The following HIVEP3 variants were observed in gnomAD, a reference collection of about 807,000 sequenced individuals.
HIVEP3 encodes the protein HIVEP zinc finger 3.
A neutral mutation model predicts 152.8 loss-of-function variants in HIVEP3; 49 were observed. That is an observed-to-expected ratio of 0.32 (90% CI 0.26 to 0.41). The LOEUF is 0.41. Among genes scored for constraint, HIVEP3 ranks in the 10% least tolerant of loss-of-function variants. The pLI is 1.00. For missense variants in HIVEP3, 2,790 were observed against 3,103.3 expected (o/e 0.90, Z 2.40); for synonymous variants, 1,269 against 1,289.0 (o/e 0.98, Z 0.33).
At chr1:41,750,746 T>C (rs1255270159) in intron 1 of HIVEP3, among the ~76,000 whole-genome samples, 1 of 151,128 alleles carries the variant, frequency 6.6e-6, no homozygotes, top group African/African-American at 2.4e-5. Flanking sequence ...TCGCCCAGGC[T>C]GGAGTGCAAT....
chr1:41,913,620 C>T lies in HIVEP3; in HGVS notation c.-801+4793G>A, dbSNP rs369073290. On this transcript the variant is annotated intron_variant, in intron 1 of 8. Transcript: ENST00000372583. ...CTATGTCGCCCAGGCTGATCTCAAACTCCTGGGCTCAAGTGATCCTCCTGT... is the reference window on the plus strand; with the variant it reads ...CTATGTCGCCCAGGCTGATCTCAAATTCCTGGGCTCAAGTGATCCTCCTGT... 2.3e-3 allele frequency among the ~76,000 whole-genome samples: 349 copies of T among 152,156 alleles called. 2 individuals are homozygous for T. The highest frequency in any genetic ancestry group is 8.0e-3 in the African/African-American group (331 of 41,518).
At chr1:41,595,340 G>A (rs1644649201) in intron 3 of HIVEP3, among the ~76,000 whole-genome samples, 1 of 152,172 alleles carries the variant, frequency 6.6e-6, no homozygotes, top group Non-Finnish European at 1.5e-5. Flanking sequence ...GAGAGATTCA[G>A]CCATTGGCGT....
intron 1 of HIVEP3, among the ~76,000 whole-genome samples, chr1:41,810,249 C>T (rs995798373): frequency 1.1e-4 from 16 of 152,178 alleles, no homozygotes; most frequent in Non-Finnish European, 1.8e-4. Context: ...TTCGATTCTG[C>T]CTTCAGGCAG....
At chr1:41,833,782 G>A (rs2124359813) in intron 1 of HIVEP3, among the ~76,000 whole-genome samples, 3 of 152,298 alleles carry the variant, frequency 2.0e-5, no homozygotes, top group Admixed American at 2.0e-4. Flanking sequence ...TCATTCTGTG[G>A]GTGGTACCCA....
At chr1:41,780,430 G>A (rs919188103) in intron 1 of HIVEP3, among the ~76,000 whole-genome samples, 1 of 152,220 alleles carries the variant, frequency 6.6e-6, no homozygotes, top group African/African-American at 2.4e-5. Context: ...CCAGGTGAGT[G>A]CTGAGCCAGA....
At position 41,647,016 on chromosome 1, in the gene HIVEP3, C is replaced by T. The variant is rs151200790; in HGVS notation, c.-720-18069G>A. Among the ~76,000 whole-genome samples the T allele has an allele frequency of 5.9e-5, 9 of 152,318 alleles. No homozygotes were observed. The East Asian group carries it at 1.5e-3, about 26-fold the overall frequency. On this transcript the variant is annotated intron_variant, in intron 2 of 8. Transcript: ENST00000372583. ...CAATGGCCAGGTCAAGTCTTTCTCACACTGCAACCTCCTGGCACTGACTCT... is the reference window on the plus strand; with the variant it reads ...CAATGGCCAGGTCAAGTCTTTCTCATACTGCAACCTCCTGGCACTGACTCT...
Position 41,664,216 on chromosome 1 carries a change from T to TC in HIVEP3, c.-720-35270dup, listed in dbSNP as rs1284950505. 4.6e-5 allele frequency among the ~76,000 whole-genome samples: 7 copies of TC among 152,184 alleles called. No individual in the cohort carries two copies. Among genetic ancestry groups the TC allele is most frequent in the Non-Finnish European group, 8.8e-5 (6 of 68,024 alleles). ...CCTGGGACAGATTCCTGCTCCTCAC[T>TC]CCACTCCTGCCCTGCCCCCACTGTC... On this transcript the variant is annotated intron_variant, in intron 2 of 8. Coordinates refer to ENST00000372583, the MANE Select transcript of HIVEP3 (RefSeq NM_024503.5). This position sits in a 1 kb window ranked among gnomAD's most constrained non-coding sequence, Gnocchi z 4.4.
At chr1:41,892,550 A>T (rs1447755474) in intron 1 of HIVEP3, among the ~76,000 whole-genome samples, 2 of 152,238 alleles carry the variant, frequency 1.3e-5, no homozygotes, top group Admixed American at 6.5e-5. Flanking sequence ...TGCAAATCAG[A>T]ATAAGTGCTG....
At chr1:41,551,996 T>C (rs183544340) in intron 5 of HIVEP3, among the ~76,000 whole-genome samples, 1,621 of 152,260 alleles carry the variant, frequency 0.011, 23 homozygotes, top group African/African-American at 0.034. Flanking sequence ...TTAGATCTTT[T>C]CTGCTTTCTC....
chr1:41,589,825 C>T (rs567315001), intron 3 of HIVEP3, among the ~76,000 whole-genome samples: 1 of 152,210 alleles, frequency 6.6e-6, no homozygotes, highest in Non-Finnish European at 1.5e-5. Context: ...CACACACACA[C>T]CCCCACATAT....
intron 1 of HIVEP3, among the ~76,000 whole-genome samples, chr1:41,933,509 C>T (rs1645005013): frequency 6.6e-6 from 1 of 152,022 alleles, no homozygotes; most frequent in African/African-American, 2.4e-5. Context: ...TTAGTGTTTG[C>T]ACAGCATATC....
At chr1:41,651,583 G>A (rs1408720715) in intron 2 of HIVEP3, among the ~76,000 whole-genome samples, 1 of 152,172 alleles carries the variant, frequency 6.6e-6, no homozygotes, top group African/African-American at 2.4e-5. Flanking sequence ...TGTAGGTTAT[G>A]TGCAAACACT....
chr1:41,578,364 C>T (rs997909521), intron 4 of HIVEP3, among the ~76,000 whole-genome samples: 1 of 152,164 alleles, frequency 6.6e-6, no homozygotes, highest in African/African-American at 2.4e-5. Flanking sequence ...GACATTAACA[C>T]AAAAGTGGAA....
Position 41,582,920 on chromosome 1 carries a change from G to A in HIVEP3, c.1878C>T (p.Ser626=), listed in dbSNP as rs765194555. ...CCTTCTTGGTCTTTTTGGTAAGCTC[G>A]CTTTCCTTGGGTTCCACTTCGTCCG... ...KPSDEVEPKE[S]ELTKKTKKGL... Residue 626 remains serine, a synonymous_variant, in exon 4 of 9, where the codon AGC becomes AGT. Transcript: ENST00000372583. The surrounding 1 kb of genome is among the most constrained non-coding windows in gnomAD (Gnocchi z 4.7). 1.1e-4 allele frequency: 185 copies of A among 1,613,912 alleles called. No homozygotes were observed. In the Middle Eastern group the frequency reaches 1.2e-3, roughly 10 times the overall value.
intron 2 of HIVEP3, among the ~76,000 whole-genome samples, chr1:41,639,378 T>G (rs1019059017): frequency 2.8e-4 from 42 of 152,174 alleles, no homozygotes; most frequent in African/African-American, 9.7e-4. Context: ...CAGAAAGACA[T>G]GGGTTCAGAC....
At chr1:41,602,697 A>AT (rs1263998738) in intron 3 of HIVEP3, among the ~76,000 whole-genome samples, 8 of 151,650 alleles carry the variant, frequency 5.3e-5, no homozygotes, top group Non-Finnish European at 7.4e-5. Context: ...AGTTTCATTG[A>AT]TTTTTTTCCT....
intron 1 of HIVEP3, among the ~76,000 whole-genome samples, chr1:41,888,112 T>C (rs1307996220): frequency 6.7e-6 from 1 of 149,982 alleles, no homozygotes; most frequent in African/African-American, 2.5e-5. Context: ...CTCAGCTCAC[T>C]GCAAGCTCCG....
chr1:41,835,112 A>C lies in HIVEP3; in HGVS notation c.-801+83301T>G, dbSNP rs947016336. ...CAGAAGGACTAATTCTTAGCATGTA[A>C]GCTCCAAGGAAATGTAAGTACATTA... On this transcript the variant is annotated intron_variant, in intron 1 of 8. Coordinates refer to ENST00000372583, the MANE Select transcript of HIVEP3 (RefSeq NM_024503.5). Among the ~76,000 whole-genome samples the C allele has an allele frequency of 2.0e-5, 3 of 152,224 alleles. No individual in the cohort carries two copies. The South Asian group carries it at 6.2e-4, about 32-fold the overall frequency.
intron 1 of HIVEP3, chr1:41,847,185 T>C (rs1643467416): frequency 6.6e-6 from 1 of 152,202 alleles, no homozygotes; most frequent in African/African-American, 2.4e-5. Context: ...TAATTAGTCA[T>C]AGGAAGAGGA....
Sources: gnomAD v4.1 joint callset for allele counts (sites outside exome capture counted in the v4.1 genomes callset) on GRCh38, gnomAD v4.1.1 for gene constraint, Gnocchi (gnomAD v3.1) non-coding constraint, MANE v1.5 for transcripts, NCBI Gene and HGNC (gene_info 2026-07-23, HGNC 2026-07-21) for gene names.